The following MRPL10 variants were observed in gnomAD, a reference collection of about 807,000 sequenced individuals.
The protein encoded by MRPL10 is large ribosomal subunit protein uL10m.
In MRPL10, 14 loss-of-function variants were observed where a neutral mutation model predicts 19.8. That is an observed-to-expected ratio of 0.71 (90% CI 0.47 to 1.11). The LOEUF is 1.11. Ranked by LOEUF, MRPL10 falls within the 50% of genes least tolerant of loss-of-function variation. MRPL10 has a pLI of 0.00. For missense variants in MRPL10, 318 were observed against 339.6 expected (o/e 0.94, Z 0.50); for synonymous variants, 129 against 139.2 (o/e 0.93, Z 0.52).
intron 4 of MRPL10, 109 bp downstream of exon 4, chr17:47,826,528 T>A: frequency 7.2e-7 from 1 of 1,392,556 alleles, no homozygotes; most frequent in Non-Finnish European, 9.9e-7. Context: ...GCTCCATCCG[T>A]GAAAGGATGC....
intron 1 of MRPL10, chr17:47,829,296 AAGAGAG>A (rs1555633915): frequency 6.7e-6 from 1 of 149,354 alleles, no homozygotes; most frequent in Non-Finnish European, 1.5e-5. Flanking sequence ...GAAGGAAGGA[AAGAGAG>A]AGAGAGAGAG....
At position 47,826,763 on chromosome 17, in the gene MRPL10, C is replaced by G; in HGVS notation, c.406G>C (p.Glu136Gln). 6.2e-7 allele frequency: 1 copy of G among 1,614,198 alleles called. No homozygotes were observed. The highest frequency in any genetic ancestry group is 8.5e-7 in the Non-Finnish European group (1 of 1,180,038). The change falls in exon 4 of 5, where the codon GAG becomes CAG. Residue 136 changes from glutamate (E) to glutamine (Q), a missense_variant. Transcript: ENST00000351111. ...AGCAGATTTTGGTACTTGGAATCCT[C>G]CAGGAAGGGCTTCAGGACCTGGGAA... ...FPNQVLKPFL[E>Q]DSKYQNLLPL...
intron 1 of MRPL10, chr17:47,831,177 CAAGGG>C: frequency 1.4e-6 from 1 of 730,118 alleles, no homozygotes; most frequent in Non-Finnish European, 2.1e-6. Flanking sequence ...GCTAAGGAGT[CAAGGG>C]AAGACCTGAG....
intron 4 of MRPL10, among the ~76,000 whole-genome samples, chr17:47,825,833 T>G (rs1356265751): frequency 1.3e-5 from 2 of 152,092 alleles, no homozygotes; most frequent in East Asian, 3.8e-4. Context: ...CATGGAGTGT[T>G]GAGGGGGTAT....
At chr17:47,831,260 CA>C in intron 1 of MRPL10, 199 bp downstream of exon 1, 1 of 1,445,308 alleles carries the variant, frequency 6.9e-7, no homozygotes, top group Non-Finnish European at 9.2e-7. Flanking sequence ...GTGGTCCAGG[CA>C]AAAGAAACGC....
intron 2 of MRPL10, chr17:47,828,203 CAA>C (rs1227038872): frequency 6.6e-3 from 1,075 of 163,682 alleles, no homozygotes; most frequent in Middle Eastern, 0.016. Context: ...TACTCCATCT[CAA>C]AAAAAAAAAA....
chr17:47,824,115 C>T lies in MRPL10; in HGVS notation c.*90G>A, dbSNP rs1412957101. The T allele has an allele frequency of 2.6e-5, 40 of 1,566,406 alleles. No individual in the cohort carries two copies. The Admixed American group carries it at 2.6e-4, about 10-fold the overall frequency. On this transcript the variant is annotated 3_prime_UTR_variant, in exon 5 of 5. Transcript: ENST00000351111. ...AAAACCAAGTGACAAACACACTCCCCGACCCCAAGTTCTTCCACATGTCCC... is the reference window on the plus strand; with the variant it reads ...AAAACCAAGTGACAAACACACTCCCTGACCCCAAGTTCTTCCACATGTCCC...
rs764487054 is a variant in MRPL10, at chr17:47,824,018, G to A, written c.*187C>T. Reference sequence around the variant, plus strand: ...AGTTGGGAAAACTAAGGACGAAGCCGGTGACTGACATCTGAAATGGAATCC... The same window carrying A: ...AGTTGGGAAAACTAAGGACGAAGCCAGTGACTGACATCTGAAATGGAATCC... On this transcript the variant is annotated 3_prime_UTR_variant, in exon 5 of 5. Coordinates refer to ENST00000351111, the MANE Select transcript of MRPL10 (RefSeq NM_145255.4). The A allele has an allele frequency of 3.3e-4, 233 of 712,872 alleles. No individual in the cohort carries two copies. Among genetic ancestry groups the A allele is most frequent in the African/African-American group, 9.0e-5 (5 of 55,368 alleles). The allele number at this position is 712,872 out of a possible 1,614,324, so 44.2% of individuals were successfully genotyped here.
Position 47,826,668 on chromosome 17 carries a change from G to A in MRPL10, c.501C>T (p.Ile167=), listed in dbSNP as rs1339624483. ...EEPKVKEMVR[I]LRTVPFLPLL... is the part of the protein sequence containing the mutation. ...GCGGCAGGAATGGCACAGTCCTTAAGATCCGTACCATCTCCTTGACCTTGG... is the reference window on the plus strand; with the variant it reads ...GCGGCAGGAATGGCACAGTCCTTAAAATCCGTACCATCTCCTTGACCTTGG... The change falls in exon 4 of 5, where the codon ATC becomes ATT. Residue 167 remains isoleucine, a synonymous_variant. Coordinates refer to ENST00000351111, the MANE Select transcript of MRPL10 (RefSeq NM_145255.4). 2 of 1,613,930 alleles carry A rather than the reference G, an allele frequency of 1.2e-6. No individual in the cohort carries two copies. Among genetic ancestry groups the A allele is most frequent in the Admixed American group, 3.3e-5 (2 of 60,008 alleles).
At chr17:47,830,296 C>T (rs2033606880) in intron 1 of MRPL10, among the ~76,000 whole-genome samples, 1 of 152,196 alleles carries the variant, frequency 6.6e-6, no homozygotes, top group Admixed American at 6.6e-5. Flanking sequence ...GACAAAGTGA[C>T]CACTTAATCC....
At chr17:47,829,907 A>AAG (rs1409989605) in intron 1 of MRPL10, among the ~76,000 whole-genome samples, 2 of 151,312 alleles carry the variant, frequency 1.3e-5, no homozygotes, top group Non-Finnish European at 3.0e-5. Flanking sequence ...AAAAAAAAAA[A>AAG]GAAAGAAAGA....
Position 47,828,507 on chromosome 17 carries a change from T to TG in MRPL10, c.215dup (p.Gln73ThrfsTer85), listed in dbSNP as rs748725907. On this transcript the variant is annotated frameshift_variant, in exon 2 of 5. Transcript: ENST00000351111. LOFTEE classifies it high-confidence loss of function. ...TACCCAAATTCCTCCTTACCTCCTG[T>TG]GGGGGGCTGGGAGGAGATGGCAGGC... 3.5e-6 allele frequency: 5 copies of TG among 1,427,558 alleles called. No homozygotes were observed. In the South Asian group the frequency reaches 4.9e-5, roughly 14 times the overall value. The allele number at this position is 1,427,558 out of a possible 1,614,324, so 88.4% of individuals were successfully genotyped here.
At chr17:47,829,894 C>A (rs1364466955) in intron 1 of MRPL10, among the ~76,000 whole-genome samples, 29 of 135,988 alleles carry the variant, frequency 2.1e-4, no homozygotes, top group Admixed American at 2.9e-4. Flanking sequence ...AAGACTGTCT[C>A]AAAAAAAAAA....
Position 47,827,200 on chromosome 17 carries a change from A to G in MRPL10, c.227T>C (p.Ile76Thr), listed in dbSNP as rs2033548641. The change falls in exon 3 of 5, where the codon ATA becomes ACA. Residue 76 changes from isoleucine to threonine, a missense_variant. By Grantham distance (89) the Ile-to-Thr change is moderately conservative. Coordinates refer to ENST00000351111, the MANE Select transcript of MRPL10 (RefSeq NM_145255.4). ...CCGGCGGAGAAGCCTGATGAGGCCT[A>G]TCTCCTGAAGTTGGAAAGCAATGAC... is the stretch of plus-strand genomic sequence containing the variant. Reference protein sequence around the residue: ...PSPPSPPQEEIGLIRLLRREI... With the variant: ...PSPPSPPQEETGLIRLLRREI... 6.2e-7 allele frequency: 1 copy of G among 1,605,240 alleles called. No homozygotes were observed. Among genetic ancestry groups the G allele is most frequent in the East Asian group, 2.2e-5 (1 of 44,860 alleles).
Position 47,824,243 on chromosome 17 carries a change from T to C in MRPL10, c.748A>G (p.Asn250Asp), listed in dbSNP as rs998852581. The C allele has an allele frequency of 2.5e-5, 41 of 1,614,088 alleles. No individual in the cohort carries two copies. The highest frequency in any genetic ancestry group is 3.2e-5 in the Non-Finnish European group (38 of 1,180,052). The stretch of plus-strand genomic sequence containing the variant: ...ACAGTGTCAGGATCTGGCTTCCCAT[T>C]GGCCGACATGACAGAATCCTTCTCG... ...QREKDSVMSA[N>D]GKPDPDTVPD... The change falls in exon 5 of 5, where the codon AAT becomes GAT. Residue 250 changes from asparagine (N) to aspartate (D), a missense_variant. Physicochemically the swap from Asn to Asp is conservative, Grantham distance 23 (BLOSUM62 1). Transcript: ENST00000351111.
In MRPL10 at chr17:47,824,263, T is replaced by G. The variant is rs752106425; in HGVS notation, c.728A>C (p.Lys243Thr). 6.2e-7 allele frequency: 1 copy of G among 1,614,140 alleles called. No homozygotes were observed. The highest frequency in any genetic ancestry group is 8.5e-7 in the Non-Finnish European group (1 of 1,180,004). Residue 243 changes from lysine (K) to threonine (T), a missense_variant, in exon 5 of 5, where the codon AAG (lysine) becomes ACG (threonine). Transcript: ENST00000351111. ...LDQYIREQREKDSVMSANGKP... is the reference protein window; with the variant it reads ...LDQYIREQRETDSVMSANGKP... ...CCCATTGGCCGACATGACAGAATCC[T>G]TCTCGCGTTGCTCTCTGATGTACTG...
chr17:47,830,161 G>A (rs918434618), intron 1 of MRPL10, among the ~76,000 whole-genome samples: 33 of 152,078 alleles, frequency 2.2e-4, no homozygotes, highest in African/African-American at 7.7e-4. Flanking sequence ...ATTTGAAGAG[G>A]AGAAAAAAAT....
chr17:47,828,555 CG>C lies in MRPL10; in HGVS notation c.167del (p.Pro56ArgfsTer21), dbSNP rs1567950931. ...GGCATGATGGGTGGATGGCTGGTTTCGGGGGGATATATTCAGTCACAGCCAT... is the reference window on the plus strand; with the variant it reads ...GGCATGATGGGTGGATGGCTGGTTTCGGGGGATATATTCAGTCACAGCCAT... ...KLMAVTEYIP[P>X]KPAIHPSCLP... On this transcript the variant is annotated frameshift_variant, in exon 2 of 5. Transcript: ENST00000351111. LOFTEE classifies it high-confidence loss of function. 1.3e-6 allele frequency: 2 copies of C among 1,491,140 alleles called. No homozygotes were observed. Among genetic ancestry groups the C allele is most frequent in the Non-Finnish European group, 1.8e-6 (2 of 1,123,832 alleles). The allele number at this position is 1,491,140 out of a possible 1,614,324, so 92.4% of individuals were successfully genotyped here.
At chr17:47,828,409 G>T in intron 2 of MRPL10, 92 bp downstream of exon 2, 1 of 892,946 alleles carries the variant, frequency 1.1e-6, no homozygotes, top group Non-Finnish European at 1.6e-6. Context: ...GCATGACAAT[G>T]GCTGAGTGTC....
Sources: gnomAD v4.1 joint callset for allele counts (sites outside exome capture counted in the v4.1 genomes callset) on GRCh38, gnomAD v4.1.1 for gene constraint, MANE v1.5 for transcripts, NCBI Gene and HGNC (gene_info 2026-07-23, HGNC 2026-07-21) for gene names.